WFDC8: variants seen among roughly 807,000 people sequenced by gnomAD.
The protein encoded by WFDC8 is WAP four-disulfide core domain 8, also known as WAP four-disulfide core domain protein 8.
A neutral mutation model predicts 27.0 loss-of-function variants in WFDC8; 24 were observed. The ratio of observed to expected loss-of-function variants is 0.89; its 90% confidence interval spans 0.64 to 1.25. The LOEUF is 1.25. Among genes scored for constraint, WFDC8 ranks in the 50% most tolerant of loss-of-function variants. The pLI, the probability that WFDC8 is intolerant of heterozygous loss-of-function variation, is 0.00. For synonymous variants in WFDC8, 106 were observed against 99.7 expected, an observed-to-expected ratio of 1.06 and a Z score of -0.38; for missense variants, 287 against 295.9, an observed-to-expected ratio of 0.97 and a Z score of 0.22.
intron 4 of WFDC8, among the ~76,000 whole-genome samples, chr20:45,553,945 G>A (rs943129533): frequency 6.6e-6 from 1 of 152,132 alleles, no homozygotes; most frequent in East Asian, 1.9e-4. Context: ...GGATAGAACC[G>A]GTTTGCGTTA....
At chr20:45,563,146 G>A (rs1980529614) in intron 1 of WFDC8, among the ~76,000 whole-genome samples, 1 of 152,108 alleles carries the variant, frequency 6.6e-6, no homozygotes, top group Non-Finnish European at 1.5e-5. Flanking sequence ...TGTTGGGGGA[G>A]TTCTAATCAT....
chr20:45,564,669 T>C (rs1244506400), intron 1 of WFDC8, among the ~76,000 whole-genome samples: 1 of 122,164 alleles, frequency 8.2e-6, no homozygotes, highest in Admixed American at 8.4e-5. Context: ...AGAGAGACTC[T>C]GTCTCAAAAA....
intron 3 of WFDC8, among the ~76,000 whole-genome samples, chr20:45,556,487 A>G (rs921740434): frequency 4.6e-5 from 7 of 152,252 alleles, no homozygotes; most frequent in Non-Finnish European, 1.5e-5. Context: ...TAAGAAATAT[A>G]CAGTGCAGTG....
In WFDC8 at chr20:45,562,110, G is replaced by T; in HGVS notation, c.136C>A (p.His46Asn). The T allele has an allele frequency of 5.0e-6, 8 of 1,613,708 alleles. No individual in the cohort carries two copies. Among genetic ancestry groups the T allele is most frequent in the Non-Finnish European group, 6.8e-6 (8 of 1,179,704 alleles). ...ATGGCTGCAGCTTTTTTGAACTCACGTTTGATCTTCTTGGTCAGCATTGCA... is the reference window on the plus strand; with the variant it reads ...ATGGCTGCAGCTTTTTTGAACTCACTTTTGATCTTCTTGGTCAGCATTGCA... ...TSAMLTKKIKHKPGLCPKERL... is the reference protein window; with the variant it reads ...TSAMLTKKIKNKPGLCPKERL... Residue 46 changes from histidine (H) to asparagine (N), a missense_variant and splice_region_variant, in exon 2 of 6, where the codon CAC becomes AAC. By Grantham distance (68) the His-to-Asn change is moderately conservative. Transcript: ENST00000289953.
chr20:45,571,556 ATCTCAGAGACT>A (rs1296374435), intron 1 of WFDC8, among the ~76,000 whole-genome samples: 2 of 152,172 alleles, frequency 1.3e-5, no homozygotes, highest in Admixed American at 6.5e-5. Context: ...TATGCAATAG[ATCTCAGAGACT>A]TCTTTCCTTT....
intron 1 of WFDC8, among the ~76,000 whole-genome samples, chr20:45,565,669 A>G (rs1200210042): frequency 6.6e-6 from 1 of 152,232 alleles, no homozygotes; most frequent in Non-Finnish European, 1.5e-5. Flanking sequence ...AGTAAGAAAT[A>G]CCAAGGGGTC....
In WFDC8 at chr20:45,551,839, A is replaced by T. The variant is rs1046028830; in HGVS notation, c.*187T>A. The stretch of plus-strand genomic sequence containing the variant: ...AAGAAGACAAGAAAATAAAGTCATG[A>T]AGTTGAAAAAAAGCCAAATATATCA... On this transcript the variant is annotated 3_prime_UTR_variant, in exon 6 of 6. Coordinates refer to ENST00000289953, the MANE Select transcript of WFDC8 (RefSeq NM_130896.3). 1.6e-6 allele frequency: 1 copy of T among 612,324 alleles called. No individual in the cohort carries two copies. Among genetic ancestry groups the T allele is most frequent in the Non-Finnish European group, 2.7e-6 (1 of 367,826 alleles). 37.9% of individuals were successfully genotyped at this position (612,324 alleles called of 1,614,324 possible).
At chr20:45,578,937 T>C (rs1234069577) in intron 1 of WFDC8, among the ~76,000 whole-genome samples, 2 of 152,056 alleles carry the variant, frequency 1.3e-5, no homozygotes, top group African/African-American at 2.4e-5. Flanking sequence ...TGAAACCCCG[T>C]CTCTACTAAA....
chr20:45,568,870 C>T (rs1183589941), intron 1 of WFDC8: 1 of 282,834 alleles, frequency 3.5e-6, no homozygotes, highest in Non-Finnish European at 7.3e-6. Flanking sequence ...CAGTCATCAT[C>T]CATTGTATAT....
intron 1 of WFDC8, among the ~76,000 whole-genome samples, chr20:45,575,863 C>T (rs1265866087): frequency 6.6e-6 from 1 of 151,318 alleles, no homozygotes; most frequent in Non-Finnish European, 1.5e-5. Context: ...CACACCCCTC[C>T]TCATCCCCAT....
Position 45,551,925 on chromosome 20 carries a change from C to G in WFDC8, c.*101G>C. The G allele has an allele frequency of 7.4e-7, 1 of 1,343,278 alleles. No individual in the cohort carries two copies. Among genetic ancestry groups the G allele is most frequent in the Non-Finnish European group, 1.0e-6 (1 of 969,614 alleles). 83.2% of individuals were successfully genotyped at this position (1,343,278 alleles called of 1,614,324 possible). On this transcript the variant is annotated 3_prime_UTR_variant, in exon 6 of 6. Transcript: ENST00000289953. ...AGTAACATCATTCAATATTGTGATA[C>G]TTAAGATAATTTGGCAAGTTGGATA...
Position 45,561,739 on chromosome 20 carries a change from C to CGTGTGT in WFDC8, c.136+365_136+370dup, listed in dbSNP as rs10534885. ...ATTAATTAAAAAACAATTAAACTTGCGTGTGTGTGTGTGTGTGTGTGTGTG... is the reference window on the plus strand; with the variant it reads ...ATTAATTAAAAAACAATTAAACTTGCGTGTGTGTGTGTGTGTGTGTGTGTGTGTGTG... On this transcript the variant is annotated intron_variant, in intron 2 of 5. Coordinates refer to ENST00000289953, the MANE Select transcript of WFDC8 (RefSeq NM_130896.3). 4.0e-3 allele frequency among the ~76,000 whole-genome samples: 592 copies of CGTGTGT among 147,836 alleles called. 2 individuals carry two copies. The highest frequency in any genetic ancestry group is 9.3e-3 in the African/African-American group (373 of 40,008).
At chr20:45,573,738 C>T (rs1444760571) in intron 1 of WFDC8, among the ~76,000 whole-genome samples, 1 of 152,090 alleles carries the variant, frequency 6.6e-6, no homozygotes, top group African/African-American at 2.4e-5. Flanking sequence ...TATTTTTCTA[C>T]ATGTGGATTT....
At chr20:45,554,530 C>T (rs2145561476) in intron 4 of WFDC8, among the ~76,000 whole-genome samples, 1 of 152,210 alleles carries the variant, frequency 6.6e-6, no homozygotes, top group East Asian at 1.9e-4. Context: ...CAAGGGCTTC[C>T]CCAGGTCAGG....
At position 45,552,047 on chromosome 20, in the gene WFDC8, T is replaced by C; in HGVS notation, c.705A>G (p.Lys235=). Reference sequence around the variant, plus strand: ...CTATTCAACGTCTGGGGTCCATACATTTCAGTCCACAATGTGAGCAGCACT... The same window carrying C: ...CTATTCAACGTCTGGGGTCCATACACTTCAGTCCACAATGTGAGCAGCACT... ...VEKCCSHCGL[K]CMDPRR The change falls in exon 6 of 6, where the codon AAA becomes AAG. Residue 235 remains lysine, a synonymous_variant. Transcript: ENST00000289953. The C allele has an allele frequency of 6.2e-7, 1 of 1,614,114 alleles. No homozygotes were observed. Among genetic ancestry groups the C allele is most frequent in the Non-Finnish European group, 8.5e-7 (1 of 1,179,946 alleles).
intron 1 of WFDC8, among the ~76,000 whole-genome samples, chr20:45,565,427 A>G (rs546381694): frequency 6.6e-6 from 1 of 152,280 alleles, no homozygotes; most frequent in Non-Finnish European, 1.5e-5. Context: ...CTACATATTT[A>G]CTTTTTCCTG....
intron 4 of WFDC8, among the ~76,000 whole-genome samples, chr20:45,555,131 T>C (rs1363877448): frequency 6.6e-6 from 1 of 152,144 alleles, no homozygotes; most frequent in East Asian, 1.9e-4. Flanking sequence ...TTCAAAGAAA[T>C]GAAGAAAGCA....
chr20:45,576,772 C>T (rs1814879420), intron 1 of WFDC8, among the ~76,000 whole-genome samples: 1 of 151,314 alleles, frequency 6.6e-6, no homozygotes, highest in Non-Finnish European at 1.5e-5. Context: ...AGTCTTTTTT[C>T]CATTCTTTTG....
intron 1 of WFDC8, among the ~76,000 whole-genome samples, chr20:45,562,928 T>C (rs1980523316): frequency 6.6e-6 from 1 of 152,162 alleles, no homozygotes; most frequent in African/African-American, 2.4e-5. Context: ...ATTTCAAAAA[T>C]GCAAGAGGTG....
Sources: allele counts gnomAD v4.1 joint callset (sites outside exome capture counted in the v4.1 genomes callset), GRCh38; gene constraint gnomAD v4.1.1; transcripts MANE v1.5; gene names NCBI Gene and HGNC (gene_info 2026-07-23, HGNC 2026-07-21).